SPATA24: variants seen among roughly 807,000 people sequenced by gnomAD.
SPATA24 encodes spermatogenesis-associated protein 24.
In SPATA24, 21 loss-of-function variants were observed where a neutral mutation model predicts 28.9. The observed-to-expected ratio is 0.73, with a 90% CI of 0.52 to 1.05. The LOEUF (loss-of-function observed/expected upper bound fraction) is 1.05, where lower values mean the gene tolerates loss of function less well. Ranked by LOEUF, SPATA24 falls within the 50% of genes least tolerant of loss-of-function variation. The pLI, the probability that SPATA24 is intolerant of heterozygous loss-of-function variation, is 0.00. For missense variants in SPATA24, 215 were observed against 242.9 expected, an observed-to-expected ratio of 0.88 and a Z score of 0.76; for synonymous variants, 76 against 89.9, an observed-to-expected ratio of 0.85 and a Z score of 0.88.
downstream of SPATA24, chr5:139,393,711 G>A (rs1412610950): frequency 3.9e-6 from 6 of 1,551,206 alleles, no homozygotes; most frequent in East Asian, 7.3e-5. Context: ...ACTGGGAAAG[G>A]ATCGGAGGGG....
chr5:139,396,009 A>C (rs1376833651), downstream of SPATA24, among the ~76,000 whole-genome samples: 1 of 152,130 alleles, frequency 6.6e-6, no homozygotes, highest in African/African-American at 2.4e-5. Flanking sequence ...ACCACCTGTC[A>C]TTGTCTTACA....
downstream of SPATA24, chr5:139,394,907 C>T (rs1451056334): frequency 3.3e-6 from 5 of 1,517,238 alleles, no homozygotes; most frequent in Non-Finnish European, 4.4e-6. Context: ...CCAGGAGCCA[C>T]CCAGGGCCAA....
At chr5:139,395,272 C>T, downstream of SPATA24, 2 of 461,226 alleles carry the variant, frequency 4.3e-6, no homozygotes, top group Non-Finnish European at 7.2e-6. Context: ...AGCCCCCATG[C>T]CCAACTAACC....
downstream of SPATA24, chr5:139,395,010 G>T: frequency 6.8e-7 from 1 of 1,473,316 alleles, no homozygotes; most frequent in Non-Finnish European, 9.0e-7. Flanking sequence ...AGGAGTCCTG[G>T]CGCCGCGCGG....
At chr5:139,399,774 C>T (rs1758785761) in intron 4 of SPATA24, among the ~76,000 whole-genome samples, 1 of 152,100 alleles carries the variant, frequency 6.6e-6, no homozygotes, top group Non-Finnish European at 1.5e-5. Context: ...GGGCTTGTGT[C>T]CCACAGGAGG....
intron 4 of SPATA24, among the ~76,000 whole-genome samples, chr5:139,397,376 A>G (rs1311322970): frequency 6.6e-6 from 1 of 152,174 alleles, no homozygotes; most frequent in East Asian, 1.9e-4. Context: ...GAGGACCCAC[A>G]TGAGGGCAGG....
chr5:139,399,496 A>C (rs571655267), intron 4 of SPATA24, among the ~76,000 whole-genome samples: 2 of 152,304 alleles, frequency 1.3e-5, no homozygotes, highest in East Asian at 3.9e-4. Flanking sequence ...GGGTCATGGG[A>C]CGAGGACTGT....
chr5:139,393,066 C>T, downstream of SPATA24: 1 of 1,529,184 alleles, frequency 6.5e-7, no homozygotes, highest in Non-Finnish European at 8.8e-7. Context: ...GGGCGGGGGG[C>T]CCCAGTGCTG....
At chr5:139,402,758 A>C in intron 1 of SPATA24, 65 bp from the exon 2 acceptor site, 2 of 1,267,924 alleles carry the variant, frequency 1.6e-6, no homozygotes, top group Non-Finnish European at 2.2e-6. Context: ...TCTAGGGACC[A>C]GGACCAAAAG....
At chr5:139,394,896 C>G (rs546483921), downstream of SPATA24, 13 of 1,511,628 alleles carry the variant, frequency 8.6e-6, no homozygotes, top group East Asian at 2.4e-4. Context: ...CCGCCCCCCG[C>G]CCAGGAGCCA....
intron 1 of SPATA24, 78 bp downstream of exon 1, chr5:139,403,866 A>G: frequency 2.4e-6 from 3 of 1,257,256 alleles, no homozygotes; most frequent in Admixed American, 2.0e-5. Flanking sequence ...CGGCCCCCGC[A>G]TCGGAACAGG....
chr5:139,398,116 C>T (rs1042842164), intron 4 of SPATA24, among the ~76,000 whole-genome samples: 7 of 152,182 alleles, frequency 4.6e-5, no homozygotes, highest in African/African-American at 1.7e-4. Flanking sequence ...ACAAACTTCC[C>T]GAGGGCTGGC....
rs565069823 is a variant in SPATA24, at chr5:139,399,131, C to T, written c.386-1988G>A. Among the ~76,000 whole-genome samples the T allele has an allele frequency of 3.9e-5, 6 of 151,984 alleles. No individual in the cohort carries two copies. The South Asian group carries it at 1.2e-3, about 32-fold the overall frequency. ...AGGAGATGGAGACCATCCTGGCTAA[C>T]ACGGTGAAACCTTGTCTCTACTAAA... On this transcript the variant is annotated intron_variant, in intron 4 of 5. Transcript: ENST00000450845.
intron 4 of SPATA24, among the ~76,000 whole-genome samples, chr5:139,397,593 T>C (rs1455487944): frequency 1.8e-4 from 27 of 151,916 alleles, no homozygotes; most frequent in Non-Finnish European, 3.7e-4. Context: ...TCTTGCTCTG[T>C]CGCCAGGCTG....
At chr5:139,396,700 A>G, downstream of SPATA24, 1 of 1,547,104 alleles carries the variant, frequency 6.5e-7, no homozygotes, top group Non-Finnish European at 8.7e-7. Context: ...CCACTATCCA[A>G]GAGGGAGGGA....
downstream of SPATA24, chr5:139,393,436 G>A: frequency 6.4e-7 from 1 of 1,551,696 alleles, no homozygotes; most frequent in Non-Finnish European, 8.7e-7. Context: ...GGACGGTGTA[G>A]GCGGTGCCAA....
At chr5:139,397,607 T>C (rs547539015) in intron 4 of SPATA24, among the ~76,000 whole-genome samples, 80 of 151,670 alleles carry the variant, frequency 5.3e-4, no homozygotes, top group Middle Eastern at 3.4e-3. Flanking sequence ...CAGGCTGGAG[T>C]GCAGTGGCAT....
chr5:139,398,548 G>C (rs1758758474), intron 4 of SPATA24, among the ~76,000 whole-genome samples: 1 of 152,198 alleles, frequency 6.6e-6, no homozygotes, highest in African/African-American at 2.4e-5. Flanking sequence ...ACTCCAGCCT[G>C]GGTGACAGAG....
intron 4 of SPATA24, among the ~76,000 whole-genome samples, chr5:139,401,269 G>C (rs1225443058): frequency 1.3e-5 from 2 of 152,176 alleles, no homozygotes; most frequent in African/African-American, 4.8e-5. Context: ...GACCAGCCTG[G>C]GCAGCATAGT....
Sources: gnomAD v4.1 joint callset for allele counts (sites outside exome capture counted in the v4.1 genomes callset) on GRCh38, gnomAD v4.1.1 for gene constraint, MANE v1.5 for transcripts, NCBI Gene and HGNC (gene_info 2026-07-23, HGNC 2026-07-21) for gene names.